CDH12: variants seen among roughly 807,000 people sequenced by gnomAD.
CDH12 encodes the protein cadherin 12, also known as cadherin-12.
A neutral mutation model predicts 74.1 loss-of-function variants in CDH12; 41 were observed. The observed-to-expected ratio is 0.55, with a 90% confidence interval of 0.43 to 0.72. The LOEUF (loss-of-function observed/expected upper bound fraction) is 0.72. CDH12 is among the 30% of genes least tolerant of loss of function. The probability of loss-of-function intolerance (pLI) is 0.00; values close to 1 mark genes in which losing one functional copy is unlikely to be tolerated. For synonymous variants in CDH12, 399 were observed against 355.0 expected (o/e 1.12, Z -1.39); for missense variants, 945 against 977.2 (o/e 0.97, Z 0.44).
intron 1 of CDH12, among the ~76,000 whole-genome samples, chr5:22,583,754 A>C (rs190507646): frequency 6.6e-6 from 1 of 152,180 alleles, no homozygotes; most frequent in Non-Finnish European, 1.5e-5. Context: ...ACACTCATCC[A>C]TAGTTTCCTA....
intron 6 of CDH12, among the ~76,000 whole-genome samples, chr5:21,933,405 AT>A (rs1754933630): frequency 6.6e-6 from 1 of 152,166 alleles, no homozygotes; most frequent in Non-Finnish European, 1.5e-5. Context: ...CATCCATGAT[AT>A]TTTTTAGTAT....
chr5:22,638,203 A>G (rs779203392), intron 1 of CDH12, among the ~76,000 whole-genome samples: 1 of 152,156 alleles, frequency 6.6e-6, no homozygotes, highest in Non-Finnish European at 1.5e-5. Flanking sequence ...AGGAGTTTTG[A>G]CTCAAAGGAT....
chr5:22,519,569 G>T (rs1430579354), intron 1 of CDH12, among the ~76,000 whole-genome samples: 1 of 151,630 alleles, frequency 6.6e-6, no homozygotes, highest in Non-Finnish European at 1.5e-5. Flanking sequence ...GACTACAGGC[G>T]CCCGTCACCA....
chr5:22,720,871 A>C (rs1404041862), intron 1 of CDH12, among the ~76,000 whole-genome samples: 3 of 152,292 alleles, frequency 2.0e-5, no homozygotes, highest in African/African-American at 7.2e-5. Flanking sequence ...GGAACTTTGA[A>C]CTTGGGAGAG....
chr5:22,723,015 A>T (rs1459603893), intron 1 of CDH12, among the ~76,000 whole-genome samples: 1 of 152,218 alleles, frequency 6.6e-6, no homozygotes, highest in Non-Finnish European at 1.5e-5. Flanking sequence ...AAACACTGAA[A>T]AGCACTTTGT....
chr5:22,680,666 T>A (rs1490700442), intron 1 of CDH12, among the ~76,000 whole-genome samples: 1 of 152,204 alleles, frequency 6.6e-6, no homozygotes, highest in African/African-American at 2.4e-5. Context: ...TATGGATGAC[T>A]ATGTTGATTG....
intron 3 of CDH12, among the ~76,000 whole-genome samples, chr5:22,287,783 A>G (rs959741151): frequency 3.3e-5 from 5 of 151,854 alleles, no homozygotes; most frequent in African/African-American, 1.2e-4. Flanking sequence ...TAAAATATAT[A>G]ATATAAAAAT....
rs144766074 is a variant in CDH12 at position 22,089,728 on chromosome 5, G to A, written c.-186-10866C>T. Among the ~76,000 whole-genome samples the A allele has an allele frequency of 8.1e-4, 123 of 151,768 alleles. 2 individuals are homozygous for A. The highest frequency in any genetic ancestry group is 2.2e-3 in the Admixed American group (34 of 15,230). ...AAATCAACTGCAGAAAAAAAATTTC[G>A]GTACATTTTAGAACTACAGAAGAAA... On this transcript the variant is annotated intron_variant, in intron 4 of 14. Transcript: ENST00000382254.
intron 4 of CDH12, among the ~76,000 whole-genome samples, chr5:22,131,929 G>A (rs1746198690): frequency 1.3e-5 from 2 of 152,118 alleles, no homozygotes; most frequent in South Asian, 4.1e-4. Context: ...TTACACAGCA[G>A]TGGGCATGAT....
intron 8 of CDH12, among the ~76,000 whole-genome samples, chr5:21,838,389 G>A (rs1749657294): frequency 2.0e-5 from 3 of 152,086 alleles, no homozygotes; most frequent in South Asian, 4.1e-4. Flanking sequence ...GTGAAACCCC[G>A]TCTCTAATAA....
At chr5:21,929,195 T>C (rs1361696926) in intron 6 of CDH12, among the ~76,000 whole-genome samples, 1 of 152,072 alleles carries the variant, frequency 6.6e-6, no homozygotes, top group African/African-American at 2.4e-5. Context: ...AGACAATTCT[T>C]CCATGGATGG....
intron 4 of CDH12, among the ~76,000 whole-genome samples, chr5:22,176,607 C>G (rs1327893077): frequency 6.6e-6 from 1 of 152,134 alleles, no homozygotes; most frequent in Non-Finnish European, 1.5e-5. Flanking sequence ...TCAATACTTG[C>G]ACTTGGTATC....
At chr5:21,848,510 T>C (rs575633438) in intron 7 of CDH12, among the ~76,000 whole-genome samples, 26 of 152,178 alleles carry the variant, frequency 1.7e-4, no homozygotes, top group South Asian at 8.3e-4. Context: ...TGAGTTTCAT[T>C]TCATTTTAGT....
intron 1 of CDH12, among the ~76,000 whole-genome samples, chr5:22,541,769 T>A (rs891487136): frequency 1.1e-4 from 17 of 152,294 alleles, no homozygotes; most frequent in Non-Finnish European, 8.8e-5. Flanking sequence ...AGATGTAACC[T>A]TGGCCTCTTA....
intron 4 of CDH12, among the ~76,000 whole-genome samples, chr5:22,088,368 GCT>G (rs1003664258): frequency 2.6e-5 from 4 of 152,020 alleles, no homozygotes; most frequent in Non-Finnish European, 5.9e-5. Flanking sequence ...GAGGATAAAA[GCT>G]CTGTTTCAGA....
chr5:21,956,010 A>G (rs1756077881), intron 6 of CDH12, among the ~76,000 whole-genome samples: 1 of 152,142 alleles, frequency 6.6e-6, no homozygotes, highest in African/African-American at 2.4e-5. Context: ...GACTTCAAAC[A>G]TTGGAAAATA....
intron 5 of CDH12, among the ~76,000 whole-genome samples, chr5:22,076,054 A>G (rs756399123): frequency 3.6e-4 from 55 of 152,216 alleles, no homozygotes; most frequent in Non-Finnish European, 7.1e-4. Flanking sequence ...TAGTTTCCTG[A>G]TGGAAAAGAA....
At chr5:21,837,693 T>C (rs1749617238) in intron 8 of CDH12, among the ~76,000 whole-genome samples, 1 of 152,188 alleles carries the variant, frequency 6.6e-6, no homozygotes, top group African/African-American at 2.4e-5. Context: ...GCTTTTCTCT[T>C]TATAAATGTT....
chr5:22,421,983 C>A (rs768309999), intron 2 of CDH12, among the ~76,000 whole-genome samples: 1 of 152,172 alleles, frequency 6.6e-6, no homozygotes, highest in Admixed American at 6.5e-5. Flanking sequence ...GCATAAATGT[C>A]TTCTTTTGAG....
Sources: allele counts gnomAD v4.1 joint callset (sites outside exome capture counted in the v4.1 genomes callset), GRCh38; gene constraint gnomAD v4.1.1; transcripts MANE v1.5; gene names NCBI Gene and HGNC (gene_info 2026-07-23, HGNC 2026-07-21).